Variants in PDE1C observed in about 807,000 individuals in gnomAD.
PDE1C encodes the protein dual specificity calcium/calmodulin-dependent 3',5'-cyclic nucleotide phosphodiesterase 1C.
PDE1C carries 62 observed loss-of-function variants against 93.1 expected under a neutral mutation model. That is an observed-to-expected ratio of 0.67 (90% CI 0.54 to 0.82). The LOEUF (loss-of-function observed/expected upper bound fraction) is 0.82, where lower values mean the gene tolerates loss of function less well. PDE1C is among the 40% of genes least tolerant of loss of function. The probability of loss-of-function intolerance (pLI) is 0.00; values close to 1 mark genes in which losing one functional copy is unlikely to be tolerated. For missense variants in PDE1C, 742 were observed against 884.6 expected, an observed-to-expected ratio of 0.84 and a Z score of 2.04; for synonymous variants, 325 against 310.1, an observed-to-expected ratio of 1.05 and a Z score of -0.50.
chr7:31,865,948 A>C (rs984019010), intron 6 of PDE1C, among the ~76,000 whole-genome samples: 3 of 152,166 alleles, frequency 2.0e-5, no homozygotes, highest in African/African-American at 7.2e-5. Flanking sequence ...TTCAGTCTTT[A>C]TTTGCAACTA....
At chr7:31,810,393 G>A (rs1450926016) in intron 15 of PDE1C, among the ~76,000 whole-genome samples, 1 of 152,082 alleles carries the variant, frequency 6.6e-6, no homozygotes, top group East Asian at 1.9e-4. Flanking sequence ...ATTTACTCTT[G>A]TTTACTTTAT....
chr7:32,397,690 ATAAAT>A (rs1209193153), intron 1 of PDE1C, among the ~76,000 whole-genome samples: 3 of 152,278 alleles, frequency 2.0e-5, no homozygotes, highest in Non-Finnish European at 4.4e-5. Context: ...ACATGGTTGA[ATAAAT>A]TATGGAACAT....
the PDE1C span, chr7:31,707,436 G>T: frequency 1.7e-6 from 1 of 605,536 alleles, no homozygotes. Flanking sequence ...CCATCAAATT[G>T]CCAGTCACCT....
intron 2 of PDE1C, among the ~76,000 whole-genome samples, chr7:31,891,736 A>T (rs189462129): frequency 4.9e-4 from 75 of 152,104 alleles, no homozygotes; most frequent in African/African-American, 1.7e-3. Context: ...ACTATTCTAT[A>T]CCTTGACTGT....
At chr7:32,195,285 T>C (rs969573196) in intron 2 of PDE1C, among the ~76,000 whole-genome samples, 3 of 152,344 alleles carry the variant, frequency 2.0e-5, no homozygotes, top group Non-Finnish European at 4.4e-5. Context: ...TAGAGAACTT[T>C]CTTTAGATAT....
At chr7:31,880,667 A>G in intron 3 of PDE1C, 80 bp downstream of exon 3, 1 of 796,260 alleles carries the variant, frequency 1.3e-6, no homozygotes, top group Non-Finnish European at 2.1e-6. Context: ...CATTCCTGGC[A>G]TGGGGGACAA....
intron 7 of PDE1C, among the ~76,000 whole-genome samples, chr7:31,856,366 T>C (rs1794016971): frequency 6.6e-6 from 1 of 152,244 alleles, no homozygotes; most frequent in Admixed American, 6.5e-5. Context: ...ATTCTAAATA[T>C]GGTCTGAATC....
chr7:31,955,442 A>G (rs1807996423), intron 2 of PDE1C, among the ~76,000 whole-genome samples: 1 of 152,214 alleles, frequency 6.6e-6, no homozygotes, highest in Non-Finnish European at 1.5e-5. Context: ...CAAAATGCTG[A>G]AACCATCAGT....
intron 1 of PDE1C, among the ~76,000 whole-genome samples, chr7:32,252,085 T>C (rs2128875942): frequency 6.6e-6 from 1 of 152,366 alleles, no homozygotes; most frequent in East Asian, 1.9e-4. Flanking sequence ...ATTTCAATTA[T>C]TCAGGGACCA....
intron 1 of PDE1C, among the ~76,000 whole-genome samples, chr7:32,316,841 T>C (rs1412230622): frequency 1.3e-5 from 2 of 152,258 alleles, no homozygotes; most frequent in African/African-American, 4.8e-5. Flanking sequence ...TTCATTGTGA[T>C]AAATTCTTGC....
At chr7:31,695,637 A>T in the PDE1C span, 2 of 1,606,940 alleles carry the variant, frequency 1.2e-6, no homozygotes, top group Non-Finnish European at 1.7e-6. Context: ...GGACAAAGTC[A>T]TCTGCACAGC....
At chr7:31,878,728 T>C (rs1336297429) in intron 4 of PDE1C, among the ~76,000 whole-genome samples, 1 of 152,230 alleles carries the variant, frequency 6.6e-6, no homozygotes, top group Non-Finnish European at 1.5e-5. Flanking sequence ...GATGATTTCC[T>C]GCTTTAAAAA....
intron 3 of PDE1C, among the ~76,000 whole-genome samples, chr7:32,124,279 C>G (rs2128766532): frequency 6.6e-6 from 1 of 152,234 alleles, no homozygotes; most frequent in East Asian, 1.9e-4. Flanking sequence ...CCATATTGAC[C>G]AAAGTAGTTT....
intron 3 of PDE1C, among the ~76,000 whole-genome samples, chr7:32,082,242 A>T (rs1016099338): frequency 3.9e-5 from 6 of 152,254 alleles, no homozygotes; most frequent in African/African-American, 1.4e-4. Flanking sequence ...TCCTACGCCC[A>T]CGGAGTCTCG....
At chr7:32,152,135 T>TA (rs1310530791) in intron 3 of PDE1C, among the ~76,000 whole-genome samples, 1 of 152,052 alleles carries the variant, frequency 6.6e-6, no homozygotes, top group African/African-American at 2.4e-5. Flanking sequence ...TGCTCTGGAG[T>TA]AGGGCATGAC....
intron 1 of PDE1C, among the ~76,000 whole-genome samples, chr7:32,411,681 G>T (rs1285681488): frequency 6.6e-6 from 1 of 151,998 alleles, no homozygotes; most frequent in Non-Finnish European, 1.5e-5. Context: ...CACTAAATTT[G>T]TTTTAGATTT....
the PDE1C span, among the ~76,000 whole-genome samples, chr7:31,628,394 A>T: frequency 6.6e-6 from 1 of 152,028 alleles, no homozygotes; most frequent in Non-Finnish European, 1.5e-5. Flanking sequence ...GGAGCCAGGA[A>T]TCCCACATCT....
At chr7:31,773,883 T>C (rs1295197973) in intron 17 of PDE1C, among the ~76,000 whole-genome samples, 1 of 152,174 alleles carries the variant, frequency 6.6e-6, no homozygotes, top group African/African-American at 2.4e-5. Flanking sequence ...ACCATTGTAG[T>C]GCACTGTCAA....
intron 17 of PDE1C, among the ~76,000 whole-genome samples, chr7:31,757,985 A>C (rs1794577853): frequency 6.6e-6 from 1 of 152,252 alleles, no homozygotes; most frequent in African/African-American, 2.4e-5. Flanking sequence ...GGATGAGTTC[A>C]TGTCCTTTGT....
Sources: gnomAD v4.1 joint callset for allele counts (sites outside exome capture counted in the v4.1 genomes callset) on GRCh38, gnomAD v4.1.1 for gene constraint, MANE v1.5 for transcripts, NCBI Gene and HGNC (gene_info 2026-07-23, HGNC 2026-07-21) for gene names.